The following TRAPPC13 variants were observed in gnomAD, a reference collection of about 807,000 sequenced individuals.
TRAPPC13 encodes the protein trafficking protein particle complex subunit 13, also known as REV7-interacting novel NHEJ regulator 1.
In TRAPPC13, 39 loss-of-function variants were observed where a neutral mutation model predicts 54.0. The observed-to-expected ratio is 0.72, with a 90% CI of 0.56 to 0.94. TRAPPC13 has a LOEUF of 0.94. TRAPPC13 is among the 40% of genes least tolerant of loss of function. The probability of loss-of-function intolerance (pLI) is 0.00; values close to 1 mark genes in which losing one functional copy is unlikely to be tolerated. For missense variants in TRAPPC13, 386 were observed against 488.1 expected, an observed-to-expected ratio of 0.79 and a Z score of 1.97; for synonymous variants, 148 against 167.7, an observed-to-expected ratio of 0.88 and a Z score of 0.91.
chr5:65,651,842 G>GTTTTTTTTGTTTTTTTTTT (rs1756457486), intron 6 of TRAPPC13, among the ~76,000 whole-genome samples: 1 of 41,136 alleles, frequency 2.4e-5, no homozygotes, highest in African/African-American at 9.3e-5. Flanking sequence ...ACGTGATTCA[G>GTTTTTTTTGTTTTTTTTTT]TTTTTTTTTT....
intron 1 of TRAPPC13, chr5:65,626,178 G>T (rs1034220071): frequency 6.6e-6 from 1 of 152,150 alleles, no homozygotes; most frequent in East Asian, 1.9e-4. Context: ...ACTAATTGTC[G>T]TGTTCTTTAT....
At chr5:65,646,999 C>G (rs143427601) in intron 4 of TRAPPC13, 56 bp from the exon 5 acceptor site, 1 of 1,482,332 alleles carries the variant, frequency 6.7e-7, no homozygotes, top group Non-Finnish European at 9.0e-7. Context: ...CCATGCACAC[C>G]CTGTAGGTAA....
chr5:65,649,947 T>C (rs552999518), intron 5 of TRAPPC13, among the ~76,000 whole-genome samples: 1 of 149,744 alleles, frequency 6.7e-6, no homozygotes, highest in African/African-American at 2.5e-5. Flanking sequence ...AGCTCTGCCT[T>C]CCGGGTTCAC....
intron 7 of TRAPPC13, among the ~76,000 whole-genome samples, chr5:65,654,175 G>T (rs953050752): frequency 1.1e-4 from 17 of 151,964 alleles, no homozygotes; most frequent in African/African-American, 4.1e-4. Context: ...TTTAAAAATT[G>T]CTAGTTTTTC....
intron 1 of TRAPPC13, among the ~76,000 whole-genome samples, chr5:65,629,110 A>G (rs985616373): frequency 2.0e-5 from 3 of 152,208 alleles, no homozygotes; most frequent in African/African-American, 7.2e-5. Context: ...AATTCATATG[A>G]AAACAATATT....
At chr5:65,632,075 G>A (rs187018620) in intron 1 of TRAPPC13, among the ~76,000 whole-genome samples, 12 of 151,886 alleles carry the variant, frequency 7.9e-5, no homozygotes, top group African/African-American at 2.2e-4. Context: ...GTGAAACTCC[G>A]TCTCTACAAA....
chr5:65,663,922 G>A (rs1003218405), intron 11 of TRAPPC13: 7 of 252,198 alleles, frequency 2.8e-5, no homozygotes, highest in Non-Finnish European at 5.2e-5. Flanking sequence ...AGACACAAAT[G>A]TGTGGAAGTC....
intron 1 of TRAPPC13, chr5:65,629,778 C>G: frequency 6.5e-7 from 1 of 1,536,074 alleles, no homozygotes; most frequent in South Asian, 1.2e-5. Flanking sequence ...TCTGAAGAGG[C>G]AGCTGAAGAT....
At chr5:65,634,923 A>G in intron 1 of TRAPPC13, 1 of 861,564 alleles carries the variant, frequency 1.2e-6, no homozygotes, top group Non-Finnish European at 1.4e-6. Context: ...ACACTTACTG[A>G]GTTTCCAAAG....
intron 9 of TRAPPC13, 96 bp from the exon 10 acceptor site, chr5:65,660,603 T>C: frequency 1.1e-6 from 1 of 924,850 alleles, no homozygotes; most frequent in Non-Finnish European, 1.5e-6. Flanking sequence ...GGAGGGTACA[T>C]CATCCAGTTC....
At position 65,631,862 on chromosome 5, in the gene TRAPPC13, T is replaced by C. The variant is rs1755557156; in HGVS notation, c.47-3439T>C. Among the ~76,000 whole-genome samples the C allele has an allele frequency of 2.0e-5, 3 of 150,472 alleles. No individual in the cohort carries two copies. In the South Asian group the frequency reaches 6.3e-4, roughly 31 times the overall value. ...TTTCTTTATAATAGAAATTGGAACCTATAATAAGCAAATATGTTAGCTACA... is the reference window on the plus strand; with the variant it reads ...TTTCTTTATAATAGAAATTGGAACCCATAATAAGCAAATATGTTAGCTACA... On this transcript the variant is annotated intron_variant, in intron 1 of 12. Transcript: ENST00000399438.
intron 4 of TRAPPC13, among the ~76,000 whole-genome samples, chr5:65,643,939 A>T (rs1017336342): frequency 2.0e-5 from 3 of 151,940 alleles, no homozygotes; most frequent in African/African-American, 7.2e-5. Flanking sequence ...TAGATTGCTC[A>T]GGAAGTTCTT....
At chr5:65,664,104 A>G (rs1205516788) in intron 11 of TRAPPC13, 133 bp from the exon 12 acceptor site, 2 of 944,996 alleles carry the variant, frequency 2.1e-6, no homozygotes, top group African/African-American at 1.7e-5. Context: ...AAATGTTATA[A>G]TAGCTTTTCT....
chr5:65,665,946 A>G lies in TRAPPC13; in HGVS notation c.*1335A>G, dbSNP rs1230465922. 2 of 152,600 alleles carry G rather than the reference A, an allele frequency of 1.3e-5. No homozygotes were observed. The highest frequency in any genetic ancestry group is 2.4e-5 in the African/African-American group (1 of 41,466). 9.5% of individuals were successfully genotyped at this position (152,600 alleles called of 1,614,324 possible). A position where few individuals can be genotyped will look rare whatever the true frequency, so the allele number is the denominator to read the frequency against. On this transcript the variant is annotated 3_prime_UTR_variant, in exon 13 of 13. Coordinates refer to ENST00000399438, the MANE Select transcript of TRAPPC13 (RefSeq NM_024941.4). ...ACAAAAATTGGTTTTTCAATGCATC[A>G]TTATTTATTGCCATAACAAATTGTT...
At chr5:65,634,539 T>C (rs1026307346) in intron 1 of TRAPPC13, among the ~76,000 whole-genome samples, 26 of 152,200 alleles carry the variant, frequency 1.7e-4, no homozygotes, top group African/African-American at 6.0e-4. Flanking sequence ...ATTGGAATTA[T>C]ATAAACGTAT....
chr5:65,656,955 T>C lies in TRAPPC13; in HGVS notation c.564+1302T>C, dbSNP rs1316908704. The stretch of plus-strand genomic sequence containing the variant: ...TAGCTGGGCATGGTGGCACTGCCTG[T>C]AGTCCCAGCTACTAGGGAGGCTGAG... On this transcript the variant is annotated intron_variant, in intron 8 of 12. Coordinates refer to ENST00000399438, the MANE Select transcript of TRAPPC13 (RefSeq NM_024941.4). Among the ~76,000 whole-genome samples the C allele has an allele frequency of 9.9e-5, 15 of 152,102 alleles. No individual in the cohort carries two copies. The East Asian group carries it at 2.9e-3, about 29-fold the overall frequency.
At chr5:65,644,478 C>CA (rs1756104388) in intron 4 of TRAPPC13, among the ~76,000 whole-genome samples, 1 of 152,146 alleles carries the variant, frequency 6.6e-6, no homozygotes, top group Admixed American at 6.5e-5. Context: ...TCCTACTTAT[C>CA]AAAAAACTGC....
At chr5:65,629,636 A>T (rs187442387) in intron 1 of TRAPPC13, 1 of 1,536,004 alleles carries the variant, frequency 6.5e-7, no homozygotes, top group Non-Finnish European at 8.7e-7. Context: ...GAGTGATCCC[A>T]CACAACTGCC....
intron 4 of TRAPPC13, among the ~76,000 whole-genome samples, chr5:65,639,933 A>T (rs1051120194): frequency 7.2e-5 from 11 of 152,222 alleles, no homozygotes; most frequent in African/African-American, 2.7e-4. Flanking sequence ...AGGTAATTGG[A>T]GTATTCCAAA....
Sources: gnomAD v4.1 joint callset for allele counts (sites outside exome capture counted in the v4.1 genomes callset) on GRCh38, gnomAD v4.1.1 for gene constraint, MANE v1.5 for transcripts, NCBI Gene and HGNC (gene_info 2026-07-23, HGNC 2026-07-21) for gene names.